The following RNF214 variants were observed in gnomAD, a reference collection of about 807,000 sequenced individuals.
The protein encoded by RNF214 is ring finger protein 214.
In RNF214, 25 loss-of-function variants were observed where a neutral mutation model predicts 75.9. The observed-to-expected ratio is 0.33, with a 90% CI of 0.24 to 0.46. The LOEUF (loss-of-function observed/expected upper bound fraction) is 0.46. Among genes scored for constraint, RNF214 ranks in the 20% least tolerant of loss-of-function variants. The pLI is 1.00. For missense variants in RNF214, 725 were observed against 857.5 expected, an observed-to-expected ratio of 0.85 and a Z score of 1.93; for synonymous variants, 314 against 308.8, an observed-to-expected ratio of 1.02 and a Z score of -0.18.
chr11:117,236,159 C>T (rs944939559), intron 2 of RNF214, among the ~76,000 whole-genome samples: 3 of 151,974 alleles, frequency 2.0e-5, no homozygotes, highest in Non-Finnish European at 2.9e-5. Context: ...CCGGGTTTCA[C>T]CATGTTGACC....
chr11:117,285,234 TAC>T lies in RNF214; in HGVS notation c.*85_*86del. On this transcript the variant is annotated 3_prime_UTR_variant, in exon 15 of 15. Coordinates refer to ENST00000300650, the MANE Select transcript of RNF214 (RefSeq NM_207343.4). ...CAAGATTTCTAAAACTCTATATTTA[TAC>T]AGTGACATATACTCATGCCATGTAC... 1 of 886,832 alleles carries T rather than the reference TAC, an allele frequency of 1.1e-6. No individual in the cohort carries two copies. The highest frequency in any genetic ancestry group is 1.9e-6 in the Non-Finnish European group (1 of 523,192). 54.9% of individuals were successfully genotyped at this position (886,832 alleles called of 1,614,324 possible). A position where few individuals can be genotyped will look rare whatever the true frequency, so the allele number is the denominator to read the frequency against.
intron 2 of RNF214, among the ~76,000 whole-genome samples, chr11:117,235,653 C>T (rs550259577): frequency 1.2e-4 from 18 of 152,116 alleles, no homozygotes; most frequent in African/African-American, 4.1e-4. Flanking sequence ...ATTACAGCCG[C>T]CCAGCACCAC....
intron 6 of RNF214, among the ~76,000 whole-genome samples, chr11:117,278,091 T>G (rs1451295009): frequency 6.6e-6 from 1 of 151,976 alleles, no homozygotes; most frequent in Non-Finnish European, 1.5e-5. Context: ...GATCACGAGG[T>G]CAGGAGATCG....
At chr11:117,248,993 G>A (rs184161563) in intron 6 of RNF214, among the ~76,000 whole-genome samples, 6 of 151,710 alleles carry the variant, frequency 4.0e-5, no homozygotes, top group East Asian at 1.9e-4. Context: ...GCGCAATCTC[G>A]GCTCATGCAA....
At chr11:117,242,625 G>C (rs1372098939) in intron 4 of RNF214, among the ~76,000 whole-genome samples, 1 of 152,182 alleles carries the variant, frequency 6.6e-6, no homozygotes, top group Non-Finnish European at 1.5e-5. Flanking sequence ...GGCCAAGGCA[G>C]GGGTATCACC....
chr11:117,253,890 A>G (rs552560065), intron 6 of RNF214, among the ~76,000 whole-genome samples: 2 of 152,262 alleles, frequency 1.3e-5, no homozygotes, highest in Non-Finnish European at 1.5e-5. Context: ...TTGCCTGATC[A>G]ATTCATAGGA....
chr11:117,271,272 T>A (rs914267179), intron 6 of RNF214, among the ~76,000 whole-genome samples: 3 of 152,214 alleles, frequency 2.0e-5, no homozygotes, highest in African/African-American at 7.2e-5. Flanking sequence ...AGAAGACAGC[T>A]CCTACTCTTT....
rs529903861 is a variant in RNF214, at chr11:117,240,400, A to G, written c.678+540A>G. Among the ~76,000 whole-genome samples the G allele has an allele frequency of 3.4e-4, 51 of 149,058 alleles. No individual in the cohort carries two copies. In the South Asian group the frequency reaches 3.6e-3, roughly 11 times the overall value. The stretch of plus-strand genomic sequence containing the variant: ...AAAAAAAATTAAAAAAAAAAAAAAA[A>G]AAAAAGGCCGGGCACAGTGGCTCAC... On this transcript the variant is annotated intron_variant, in intron 4 of 14. Coordinates refer to ENST00000300650, the MANE Select transcript of RNF214 (RefSeq NM_207343.4).
intron 6 of RNF214, among the ~76,000 whole-genome samples, chr11:117,256,458 A>G (rs1030417878): frequency 6.6e-6 from 1 of 152,124 alleles, no homozygotes; most frequent in Non-Finnish European, 1.5e-5. Context: ...GGCTGGGGCT[A>G]GGATATCCAA....
intron 6 of RNF214, among the ~76,000 whole-genome samples, chr11:117,251,203 GCCCCGCACC>G (rs2033372564): frequency 1.5e-5 from 2 of 134,380 alleles, no homozygotes; most frequent in Non-Finnish European, 3.1e-5. Flanking sequence ...GGGCAGAGGC[GCCCCGCACC>G]TCCCGGACGG....
In RNF214 at chr11:117,281,942, C is replaced by T. The variant is rs375077963; in HGVS notation, c.1384C>T (p.Arg462Trp). 5.0e-6 allele frequency: 8 copies of T among 1,614,004 alleles called. No individual in the cohort carries two copies. Among genetic ancestry groups the T allele is most frequent in the East Asian group, 4.5e-5 (2 of 44,902 alleles). The change falls in exon 11 of 15, where the codon CGG (arginine) becomes TGG (tryptophan). Residue 462 changes from arginine (R) to tryptophan (W), a missense_variant. This residue lies in a region of RNF214 where 363 missense variants were observed against 513.0 expected (regional missense o/e 0.71). Coordinates refer to ENST00000300650, the MANE Select transcript of RNF214 (RefSeq NM_207343.4). Reference sequence around the variant, plus strand: ...TCAACCCAGTCCCTCTCTGGCTCCTCGGATGCCCTTCTCCATTGGGCAGGT... The same window carrying T: ...TCAACCCAGTCCCTCTCTGGCTCCTTGGATGCCCTTCTCCATTGGGCAGGT... ...VFQPSPSLAP[R>W]MPFSIGQVTM...
intron 6 of RNF214, among the ~76,000 whole-genome samples, chr11:117,253,620 T>C (rs2033452726): frequency 6.6e-6 from 1 of 151,854 alleles, no homozygotes; most frequent in Non-Finnish European, 1.5e-5. Context: ...GGCGGGAGGA[T>C]TGCTTGAGCC....
intron 4 of RNF214, among the ~76,000 whole-genome samples, chr11:117,241,194 C>CA (rs1262417299): frequency 1.1e-4 from 16 of 148,974 alleles, no homozygotes; most frequent in African/African-American, 3.7e-4. Context: ...AAACAAACAA[C>CA]AACAAAAAAA....
chr11:117,263,224 A>G (rs527409762), intron 6 of RNF214, among the ~76,000 whole-genome samples: 6 of 152,120 alleles, frequency 3.9e-5, no homozygotes, highest in African/African-American at 1.2e-4. Context: ...TGGTTTCCCT[A>G]AGTTCTTTAG....
intron 6 of RNF214, among the ~76,000 whole-genome samples, chr11:117,262,707 T>TTGTG (rs57686552): frequency 0.023 from 3,382 of 147,188 alleles, 106 homozygotes; most frequent in African/African-American, 0.063. Context: ...TTGAGGAACG[T>TTGTG]TGTGTGTGTG....
rs1220733182 is a variant in RNF214 at position 117,283,216 on chromosome 11, T to C, written c.2046+6T>C. Reference sequence around the variant, plus strand: ...CCCATGTATTGCACAAGGAGGTAGGTGTTACAGACCTTCCTCATTTTCTAC... The same window carrying C: ...CCCATGTATTGCACAAGGAGGTAGGCGTTACAGACCTTCCTCATTTTCTAC... On this transcript the variant is annotated splice_donor_region_variant and intron_variant, in intron 14 of 14. Coordinates refer to ENST00000300650, the MANE Select transcript of RNF214 (RefSeq NM_207343.4). 2.5e-6 allele frequency: 4 copies of C among 1,580,382 alleles called. No individual in the cohort carries two copies. In the East Asian group the frequency reaches 6.7e-5, roughly 27 times the overall value.
At chr11:117,263,771 C>T in intron 6 of RNF214, 1 of 171,058 alleles carries the variant, frequency 5.8e-6, no homozygotes, top group South Asian at 1.3e-4. Context: ...TACAAATTGC[C>T]TTGTTATGTA....
chr11:117,281,808 A>G, intron 10 of RNF214, 86 bp from the exon 11 acceptor site: 1 of 1,529,888 alleles, frequency 6.5e-7, no homozygotes, highest in South Asian at 1.2e-5. Flanking sequence ...ATTCAGTGCA[A>G]GAGTTGTTCA....
intron 6 of RNF214, among the ~76,000 whole-genome samples, chr11:117,262,707 T>TTTTG (rs113477136): frequency 1.4e-5 from 2 of 147,644 alleles, no homozygotes; most frequent in African/African-American, 2.5e-5. Flanking sequence ...TTGAGGAACG[T>TTTTG]TGTGTGTGTG....
Sources: gnomAD v4.1 joint callset for allele counts (sites outside exome capture counted in the v4.1 genomes callset) on GRCh38, gnomAD v4.1.1 for gene constraint, gnomAD v4.1.1 regional missense constraint, MANE v1.5 for transcripts, NCBI Gene and HGNC (gene_info 2026-07-23, HGNC 2026-07-21) for gene names.